The following FGF3 variants were observed in gnomAD, a reference collection of about 807,000 sequenced individuals.
FGF3 encodes fibroblast growth factor 3.
In FGF3, 7 loss-of-function variants were observed where a neutral mutation model predicts 9.8. That is an observed-to-expected ratio of 0.72 (90% CI 0.41 to 1.35). The LOEUF is 1.35. Ranked by LOEUF, FGF3 falls within the 40% of genes most tolerant of loss-of-function variation. The pLI is 0.01. For synonymous variants in FGF3, 173 were observed against 157.2 expected (o/e 1.10, Z -0.75); for missense variants, 390 against 345.6 (o/e 1.13, Z -1.02).
At chr11:69,813,804 ATGGGTGGATGGGTGGATGGG>A (rs1191224987) in intron 2 of FGF3, among the ~76,000 whole-genome samples, 10 of 54,812 alleles carry the variant, frequency 1.8e-4, no homozygotes, top group Non-Finnish European at 2.7e-4. Flanking sequence ...GGATGGATGG[ATGGGTGGATGGGTGGATGGG>A]TGGATGGGTG....
Sources: gnomAD v4.1 joint callset for allele counts (sites outside exome capture counted in the v4.1 genomes callset) on GRCh38, gnomAD v4.1.1 for gene constraint, MANE v1.5 for transcripts, NCBI Gene and HGNC (gene_info 2026-07-23, HGNC 2026-07-21) for gene names.